The following PLCB1 variants were observed in gnomAD, a reference collection of about 807,000 sequenced individuals.
PLCB1 encodes the protein phospholipase C beta 1, also known as 1-phosphatidylinositol 4,5-bisphosphate phosphodiesterase beta-1.
A neutral mutation model predicts 161.8 loss-of-function variants in PLCB1; 46 were observed. That is an observed-to-expected ratio of 0.28 (90% CI 0.22 to 0.36). The LOEUF is 0.36. Ranked by LOEUF, PLCB1 falls within the 10% of genes least tolerant of loss-of-function variation. PLCB1 has a pLI of 1.00. For synonymous variants in PLCB1, 517 were observed against 503.7 expected, an observed-to-expected ratio of 1.03 and a Z score of -0.35; for missense variants, 1,016 against 1,472.5, an observed-to-expected ratio of 0.69 and a Z score of 5.07.
At chr20:8,496,342 A>C (rs907357864) in intron 3 of PLCB1, among the ~76,000 whole-genome samples, 3 of 150,436 alleles carry the variant, frequency 2.0e-5, no homozygotes, top group African/African-American at 5.0e-5. Flanking sequence ...AAAAAAAAAA[A>C]AAAAAAATAC....
chr20:8,449,617 C>T (rs530669225), intron 3 of PLCB1, among the ~76,000 whole-genome samples: 29 of 152,276 alleles, frequency 1.9e-4, no homozygotes, highest in South Asian at 6.2e-4. Context: ...AGAACACTTC[C>T]GGGGCACATA....
intron 2 of PLCB1, among the ~76,000 whole-genome samples, chr20:8,284,163 C>T (rs568413696): frequency 2.6e-5 from 4 of 152,020 alleles, no homozygotes; most frequent in Admixed American, 2.6e-4. Context: ...ATGCTTACTG[C>T]TAGTCTTTTC....
intron 2 of PLCB1, among the ~76,000 whole-genome samples, chr20:8,231,281 G>C (rs1043605611): frequency 2.0e-5 from 3 of 152,142 alleles, no homozygotes; most frequent in African/African-American, 7.2e-5. Context: ...ACTCTTTCTT[G>C]GGAAAGTAGA....
chr20:8,558,901 G>A (rs1409969696), intron 3 of PLCB1, among the ~76,000 whole-genome samples: 1 of 151,906 alleles, frequency 6.6e-6, no homozygotes, highest in Non-Finnish European at 1.5e-5. Flanking sequence ...AAAGCTGATA[G>A]AGTTTTTCAC....
intron 3 of PLCB1, among the ~76,000 whole-genome samples, chr20:8,492,775 T>C (rs1217282890): frequency 1.3e-5 from 2 of 151,902 alleles, no homozygotes; most frequent in African/African-American, 2.4e-5. Flanking sequence ...TTTCTTATGC[T>C]GATTTAGTTA....
chr20:8,459,157 T>TA (rs1239245245), intron 3 of PLCB1, among the ~76,000 whole-genome samples: 1 of 151,900 alleles, frequency 6.6e-6, no homozygotes, highest in Admixed American at 6.6e-5. Flanking sequence ...GAGAAACACT[T>TA]ACGCAGCTAA....
At chr20:8,531,728 T>C (rs1984824515) in intron 3 of PLCB1, among the ~76,000 whole-genome samples, 1 of 152,084 alleles carries the variant, frequency 6.6e-6, no homozygotes, top group Non-Finnish European at 1.5e-5. Context: ...AAATAGTTCC[T>C]TGAGATTTTA....
At chr20:8,463,892 A>AT (rs957728419) in intron 3 of PLCB1, among the ~76,000 whole-genome samples, 30 of 152,028 alleles carry the variant, frequency 2.0e-4, no homozygotes, top group South Asian at 2.1e-4. Context: ...ATTTATCAGC[A>AT]TTTTTTTTAT....
In PLCB1 at chr20:8,193,412, A is replaced by T. The variant is rs190955909; in HGVS notation, c.177+43041A>T. Among the ~76,000 whole-genome samples, 1,071 of 151,890 alleles carry T rather than the reference A, an allele frequency of 7.1e-3. 11 individuals carry two copies. The highest frequency in any genetic ancestry group is 0.024 in the African/African-American group (979 of 41,456). ...GCAGCTGTAAAAGAAAAAATTTTTA[A>T]AAAAAAAGGAGAAGAAAAAGAGGAG... is the stretch of plus-strand genomic sequence containing the variant. On this transcript the variant is annotated intron_variant, in intron 2 of 31. Coordinates refer to ENST00000338037, the MANE Select transcript of PLCB1 (RefSeq NM_015192.4).
At chr20:8,555,293 G>A (rs1985914622) in intron 3 of PLCB1, among the ~76,000 whole-genome samples, 1 of 152,066 alleles carries the variant, frequency 6.6e-6, no homozygotes, top group Admixed American at 6.6e-5. Flanking sequence ...GTAGGCAATG[G>A]ATCATGATAC....
chr20:8,506,169 T>A (rs752582369), intron 3 of PLCB1, among the ~76,000 whole-genome samples: 1 of 152,240 alleles, frequency 6.6e-6, no homozygotes, highest in Non-Finnish European at 1.5e-5. Flanking sequence ...TTCTTTGGTT[T>A]GCAAGAATTT....
intron 31 of PLCB1, among the ~76,000 whole-genome samples, chr20:8,801,060 A>G (rs559412175): frequency 6.6e-6 from 1 of 152,268 alleles, no homozygotes; most frequent in South Asian, 2.1e-4. Context: ...AGACCCTTCA[A>G]TGGCTCCCAT....
Position 8,881,607 on chromosome 20 carries a change from C to A in PLCB1, c.3424-15C>A, listed in dbSNP as rs1987994236. On this transcript the variant is annotated splice_polypyrimidine_tract_variant and intron_variant, in intron 31 of 31. Transcript: ENST00000338037. The stretch of plus-strand genomic sequence containing the variant: ...TAAACAACTTCAAGTCATCTCCCCT[C>A]TTGATGTCTCTCAGCTGCAGGTGGA... The A allele has an allele frequency of 6.3e-7, 1 of 1,599,032 alleles. No homozygotes were observed. Among genetic ancestry groups the A allele is most frequent in the Admixed American group, 1.7e-5 (1 of 59,976 alleles).
At chr20:8,820,716 G>A (rs1351641314) in intron 31 of PLCB1, among the ~76,000 whole-genome samples, 4 of 151,942 alleles carry the variant, frequency 2.6e-5, no homozygotes, top group African/African-American at 9.7e-5. Flanking sequence ...ACTAGAAAAA[G>A]AAATGAAAAA....
At chr20:8,788,263 A>G (rs1171713893) in intron 27 of PLCB1, among the ~76,000 whole-genome samples, 186 bp from the exon 28 acceptor site, 1 of 152,214 alleles carries the variant, frequency 6.6e-6, no homozygotes, top group Non-Finnish European at 1.5e-5. Flanking sequence ...ATTAAAACCC[A>G]TAAGCCTAGA....
chr20:8,826,188 A>G (rs1443665840), intron 31 of PLCB1, among the ~76,000 whole-genome samples: 2 of 152,146 alleles, frequency 1.3e-5, no homozygotes, highest in South Asian at 2.1e-4. Flanking sequence ...TGGAGAGAAT[A>G]TAGCATGACA....
chr20:8,680,167 CCAGAGTGGAT>C (rs1411331514), intron 9 of PLCB1, among the ~76,000 whole-genome samples: 3 of 151,986 alleles, frequency 2.0e-5, no homozygotes, highest in African/African-American at 7.3e-5. Context: ...CCTCAGTGGA[CCAGAGTGGAT>C]CAGAAAAAAA....
intron 4 of PLCB1, among the ~76,000 whole-genome samples, chr20:8,645,255 T>C (rs1472800242): frequency 1.3e-5 from 2 of 151,570 alleles, no homozygotes; most frequent in East Asian, 1.9e-4. Flanking sequence ...ACTATTGTCC[T>C]ATGACCCTGC....
rs145412838 is a variant in PLCB1 at position 8,315,747 on chromosome 20, C to CAGCCA, written c.178-55628_178-55624dup. 5.7e-3 allele frequency among the ~76,000 whole-genome samples: 863 copies of CAGCCA among 152,232 alleles called. 7 individuals carry two copies. The highest frequency in any genetic ancestry group is 0.019 in the African/African-American group (786 of 41,508). ...TCCTGCTATTCTGCCCCAAGACAGCCAGCCAAGCCAAAATGAGCGTAGGCA... is the reference window on the plus strand; with the variant it reads ...TCCTGCTATTCTGCCCCAAGACAGCCAGCCAAGCCAAGCCAAAATGAGCGTAGGCA... On this transcript the variant is annotated intron_variant, in intron 2 of 31. Coordinates refer to ENST00000338037, the MANE Select transcript of PLCB1 (RefSeq NM_015192.4).
Sources: gnomAD v4.1 joint callset for allele counts (sites outside exome capture counted in the v4.1 genomes callset) on GRCh38, gnomAD v4.1.1 for gene constraint, MANE v1.5 for transcripts, NCBI Gene and HGNC (gene_info 2026-07-23, HGNC 2026-07-21) for gene names.